The following ADAMTS17 variants were observed in gnomAD, a reference collection of about 807,000 sequenced individuals.
The protein encoded by ADAMTS17 is ADAM metallopeptidase with thrombospondin type 1 motif 17.
A neutral mutation model predicts 141.5 loss-of-function variants in ADAMTS17; 113 were observed. That is an observed-to-expected ratio of 0.80 (90% confidence interval 0.69 to 0.93). The LOEUF (loss-of-function observed/expected upper bound fraction) is 0.93. Ranked by LOEUF, ADAMTS17 falls within the 40% of genes least tolerant of loss-of-function variation. The probability of loss-of-function intolerance (pLI) is 0.00; values close to 1 mark genes in which losing one functional copy is unlikely to be tolerated. For synonymous variants in ADAMTS17, 768 were observed against 630.6 expected (o/e 1.22, Z -3.27); for missense variants, 1,659 against 1,517.9 (o/e 1.09, Z -1.54).
intron 3 of ADAMTS17, among the ~76,000 whole-genome samples, chr15:100,320,315 CACG>C (rs1367004331): frequency 5.9e-5 from 9 of 152,150 alleles, no homozygotes; most frequent in African/African-American, 2.2e-4. Context: ...CTGGGAAAAT[CACG>C]ACAAGTCCCA....
In ADAMTS17 at chr15:100,159,073, A is replaced by G. The variant is rs540173211; in HGVS notation, c.1182-3753T>C. Among the ~76,000 whole-genome samples the G allele has an allele frequency of 2.0e-5, 3 of 152,362 alleles. No individual in the cohort carries two copies. The South Asian group carries it at 6.2e-4, about 32-fold the overall frequency. Reference sequence around the variant, plus strand: ...AAAAAAACAGTATGGAGGTTCCTCAAAAAATTAAAAATAAAACTACTGCAT... The same window carrying G: ...AAAAAAACAGTATGGAGGTTCCTCAGAAAATTAAAAATAAAACTACTGCAT... On this transcript the variant is annotated intron_variant, in intron 8 of 21. Transcript: ENST00000268070.
chr15:100,107,797 TC>T lies in ADAMTS17; in HGVS notation c.2016+1191del, dbSNP rs548170248. On this transcript the variant is annotated intron_variant, in intron 14 of 21. Transcript: ENST00000268070. ...GGCCTCAATCTTGGACTTCCCAGCT[TC>T]CAGAACTGTGAGTAATAAAGGTCAG... 6.0e-3 allele frequency among the ~76,000 whole-genome samples: 918 copies of T among 152,216 alleles called. 3 individuals are homozygous for T. Among genetic ancestry groups the T allele is most frequent in the Non-Finnish European group, 9.2e-3 (629 of 68,008 alleles).
intron 3 of ADAMTS17, among the ~76,000 whole-genome samples, chr15:100,319,566 C>T (rs57444587): frequency 0.09 from 13,638 of 152,172 alleles, 679 homozygotes; most frequent in Non-Finnish European, 0.1. Flanking sequence ...AAAAAATTAG[C>T]TGGGCATGGT....
chr15:100,324,754 G>T (rs1338357893), intron 3 of ADAMTS17, among the ~76,000 whole-genome samples: 1 of 152,190 alleles, frequency 6.6e-6, no homozygotes, highest in Admixed American at 6.5e-5. Flanking sequence ...GCATTGAAGT[G>T]GTCTCCTCAA....
At chr15:100,076,835 G>A (rs1232986036) in intron 15 of ADAMTS17, among the ~76,000 whole-genome samples, 1 of 152,090 alleles carries the variant, frequency 6.6e-6, no homozygotes, top group Non-Finnish European at 1.5e-5. Flanking sequence ...TCAATTCTAT[G>A]TTAGGAGTAA....
At chr15:100,109,260 C>CCAGCTCCTCTAAACACTCGGCA in intron 13 of ADAMTS17, 144 bp from the exon 14 acceptor site, 2 of 1,165,202 alleles carry the variant, frequency 1.7e-6, no homozygotes, top group Non-Finnish European at 2.4e-6. Flanking sequence ...GGTACGCGCT[C>CCAGCTCCTCTAAACACTCGGCA]CAGGAAGCGG....
At position 100,127,562 on chromosome 15, in the gene ADAMTS17, T is replaced by C. The variant is rs187224934; in HGVS notation, c.1721+4445A>G. 6.1e-3 allele frequency among the ~76,000 whole-genome samples: 927 copies of C among 152,318 alleles called. 16 individuals are homozygous for C. The highest frequency in any genetic ancestry group is 0.021 in the African/African-American group (868 of 41,570). Reference sequence around the variant, plus strand: ...CGTTGGGCAAGTTACCAAACTTCAATGTGATTCTATTTTTTGTTTGTTTGT... The same window carrying C: ...CGTTGGGCAAGTTACCAAACTTCAACGTGATTCTATTTTTTGTTTGTTTGT... On this transcript the variant is annotated intron_variant, in intron 12 of 21. Coordinates refer to ENST00000268070, the MANE Select transcript of ADAMTS17 (RefSeq NM_139057.4).
intron 7 of ADAMTS17, among the ~76,000 whole-genome samples, chr15:100,228,849 G>A (rs1467337453): frequency 6.6e-6 from 1 of 152,214 alleles, no homozygotes; most frequent in Non-Finnish European, 1.5e-5. Flanking sequence ...CTGCCTACCT[G>A]TGGGAGGATG....
At chr15:100,050,983 G>C (rs2032091385) in intron 17 of ADAMTS17, among the ~76,000 whole-genome samples, 1 of 152,198 alleles carries the variant, frequency 6.6e-6, no homozygotes, top group African/African-American at 2.4e-5. Context: ...AGGCTCTTTG[G>C]CTCACCCTGT....
intron 3 of ADAMTS17, among the ~76,000 whole-genome samples, chr15:100,305,565 C>T (rs1468770005): frequency 1.3e-5 from 2 of 152,258 alleles, no homozygotes; most frequent in Admixed American, 6.5e-5. Context: ...CACCCAGGGG[C>T]TCACAGGCAT....
At position 99,976,409 on chromosome 15, in the gene ADAMTS17, G is replaced by C. The variant is rs543821353; in HGVS notation, c.2950-187C>G. 5 of 771,184 alleles carry C rather than the reference G, an allele frequency of 6.5e-6. No individual in the cohort carries two copies. In the Admixed American group the frequency reaches 1.0e-4, roughly 16 times the overall value. The allele number at this position is 771,184 out of a possible 1,614,324, so 47.8% of individuals were successfully genotyped here. Reference sequence around the variant, plus strand: ...GACAGCCTGAGTGGGGCCTACACGAGGTCAGGGGGCTGGGACGATGGCCTC... The same window carrying C: ...GACAGCCTGAGTGGGGCCTACACGACGTCAGGGGGCTGGGACGATGGCCTC... On this transcript the variant is annotated intron_variant, in intron 20 of 21. Transcript: ENST00000268070.
At chr15:100,020,605 A>G (rs540634703) in intron 18 of ADAMTS17, among the ~76,000 whole-genome samples, 20 of 152,314 alleles carry the variant, frequency 1.3e-4, no homozygotes, top group Admixed American at 1.1e-3. Context: ...CCGTGGGTCT[A>G]TTTTGAGTTC....
At chr15:99,984,906 C>G (rs1047983625) in intron 20 of ADAMTS17, among the ~76,000 whole-genome samples, 4 of 152,264 alleles carry the variant, frequency 2.6e-5, no homozygotes, top group African/African-American at 9.6e-5. Context: ...GCAAAGGCGG[C>G]TGGTTTGACA....
At position 99,997,256 on chromosome 15, in the gene ADAMTS17, G is replaced by A; in HGVS notation, c.2796+129C>T. ...TCTGAGATGGAAATTAAGAACACATGAGCTATAACACAACTTCAAGCTGAC... is the reference window on the plus strand; with the variant it reads ...TCTGAGATGGAAATTAAGAACACATAAGCTATAACACAACTTCAAGCTGAC... On this transcript the variant is annotated intron_variant, in intron 19 of 21. Transcript: ENST00000268070. The surrounding 1 kb of genome is among the most constrained non-coding windows in gnomAD (Gnocchi z 4.7). 2 of 990,212 alleles carry A rather than the reference G, an allele frequency of 2.0e-6. No individual in the cohort carries two copies. The highest frequency in any genetic ancestry group is 3.2e-6 in the Non-Finnish European group (2 of 629,518). The allele number at this position is 990,212 out of a possible 1,614,324, so 61.3% of individuals were successfully genotyped here.
chr15:100,100,804 A>AGAAAC (rs1402773052), intron 14 of ADAMTS17, among the ~76,000 whole-genome samples: 1 of 152,154 alleles, frequency 6.6e-6, no homozygotes, highest in African/African-American at 2.4e-5. Context: ...ACTGCCTATC[A>AGAAAC]GAAACGTCCG....
chr15:100,315,691 A>G lies in ADAMTS17; in HGVS notation c.616+15198T>C, dbSNP rs189229698. Among the ~76,000 whole-genome samples, 110 of 152,310 alleles carry G rather than the reference A, an allele frequency of 7.2e-4. No individual in the cohort carries two copies. In the East Asian group the frequency reaches 0.02, roughly 28 times the overall value. ...GCGTCCACAAAAAATTTTAAAAAAA[A>G]TTACAGAGGCCTAAAAATACACTAA... is the stretch of plus-strand genomic sequence containing the variant. On this transcript the variant is annotated intron_variant, in intron 3 of 21. Transcript: ENST00000268070.
intron 18 of ADAMTS17, among the ~76,000 whole-genome samples, chr15:100,005,241 A>T (rs1265155903): frequency 2.0e-5 from 3 of 152,216 alleles, no homozygotes; most frequent in Non-Finnish European, 4.4e-5. Flanking sequence ...GAGACCCTGT[A>T]TTCTTAGTGC....
chr15:100,144,944 C>T (rs1335073617), intron 10 of ADAMTS17, among the ~76,000 whole-genome samples: 1 of 152,148 alleles, frequency 6.6e-6, no homozygotes, highest in African/African-American at 2.4e-5. Context: ...ACATAATCTA[C>T]CCAGTTTCTT....
intron 7 of ADAMTS17, among the ~76,000 whole-genome samples, chr15:100,235,570 G>C (rs755458041): frequency 6.6e-6 from 1 of 152,118 alleles, no homozygotes; most frequent in Non-Finnish European, 1.5e-5. Context: ...TCACCTCAGA[G>C]ATTCTGACCC....
Sources: gnomAD v4.1 joint callset for allele counts (sites outside exome capture counted in the v4.1 genomes callset) on GRCh38, gnomAD v4.1.1 for gene constraint, Gnocchi (gnomAD v3.1) non-coding constraint, MANE v1.5 for transcripts, NCBI Gene and HGNC (gene_info 2026-07-23, HGNC 2026-07-21) for gene names.